Variants in FHIT observed in about 807,000 individuals in gnomAD.
The protein encoded by FHIT is bis(5'-adenosyl)-triphosphatase.
A neutral mutation model predicts 17.9 loss-of-function variants in FHIT; 19 were observed. That is an observed-to-expected ratio of 1.06 (90% CI 0.74 to 1.56). FHIT has a LOEUF of 1.56. Among genes scored for constraint, FHIT ranks in the 40% most tolerant of loss-of-function variants. FHIT has a pLI of 0.00. For synonymous variants in FHIT, 81 were observed against 69.7 expected (o/e 1.16, Z -0.81); for missense variants, 248 against 189.2 (o/e 1.31, Z -1.82).
chr3:61,100,565 G>C lies in FHIT; in HGVS notation c.-163-58466C>G, dbSNP rs549799130. Among the ~76,000 whole-genome samples the C allele has an allele frequency of 1.4e-3, 212 of 152,098 alleles. 1 individual carries two copies. The highest frequency in any genetic ancestry group is 2.3e-3 in the Admixed American group (35 of 15,268). On this transcript the variant is annotated intron_variant, in intron 2 of 9. Coordinates refer to ENST00000492590, the MANE Select transcript of FHIT (RefSeq NM_002012.4). ...TAGTAGCATGATTTATAATCCTTTG[G>C]GTATATACCCAGTAATGGGATTGCT...
intron 3 of FHIT, among the ~76,000 whole-genome samples, chr3:61,039,759 G>T (rs2033419673): frequency 6.6e-6 from 1 of 152,036 alleles, no homozygotes; most frequent in African/African-American, 2.4e-5. Flanking sequence ...GCAGATGACG[G>T]GTTGATGGGT....
intron 3 of FHIT, among the ~76,000 whole-genome samples, chr3:60,986,032 C>T (rs985018540): frequency 5.9e-5 from 9 of 152,326 alleles, no homozygotes; most frequent in East Asian, 5.8e-4. Flanking sequence ...CCCCTTATAA[C>T]GACCCTTGTG....
chr3:61,066,759 G>A (rs1224873060), intron 2 of FHIT, among the ~76,000 whole-genome samples: 8 of 152,196 alleles, frequency 5.3e-5, no homozygotes, highest in African/African-American at 1.2e-4. Context: ...TGAAAGCAAA[G>A]CCTAAGACAA....
At chr3:59,815,518 G>GGT (rs1313564912) in intron 8 of FHIT, among the ~76,000 whole-genome samples, 1 of 151,142 alleles carries the variant, frequency 6.6e-6, no homozygotes, top group Non-Finnish European at 1.5e-5. Flanking sequence ...AAGAAATTGT[G>GGT]GTATATATAT....
chr3:60,432,604 T>C (rs758716663), intron 5 of FHIT, among the ~76,000 whole-genome samples: 8 of 152,054 alleles, frequency 5.3e-5, no homozygotes, highest in Non-Finnish European at 8.8e-5. Context: ...ATGCAGGCAA[T>C]TTACAAATAA....
chr3:59,841,943 G>A (rs1701548662), intron 8 of FHIT, among the ~76,000 whole-genome samples: 1 of 152,084 alleles, frequency 6.6e-6, no homozygotes, highest in Non-Finnish European at 1.5e-5. Flanking sequence ...ATTTTTAGGT[G>A]TACAGTCCAG....
intron 3 of FHIT, among the ~76,000 whole-genome samples, chr3:60,981,639 T>G (rs1710500369): frequency 6.6e-6 from 1 of 152,046 alleles, no homozygotes; most frequent in Admixed American, 6.6e-5. Flanking sequence ...GACAGGGTCT[T>G]GCTCTGTTGC....
At chr3:60,971,046 A>G (rs1709980538) in intron 3 of FHIT, among the ~76,000 whole-genome samples, 1 of 152,158 alleles carries the variant, frequency 6.6e-6, no homozygotes. Flanking sequence ...ATATATAACT[A>G]TGATGTCATT....
intron 4 of FHIT, among the ~76,000 whole-genome samples, chr3:60,566,249 G>A (rs1204086476): frequency 1.3e-5 from 2 of 152,152 alleles, no homozygotes; most frequent in Admixed American, 1.3e-4. Flanking sequence ...TTGGGGTTGA[G>A]AGTTCTGTAG....
intron 5 of FHIT, among the ~76,000 whole-genome samples, chr3:60,366,159 G>C (rs983457895): frequency 1.3e-5 from 2 of 152,118 alleles, no homozygotes. Flanking sequence ...TTGGTAAAAG[G>C]AAAAAGGCGC....
intron 5 of FHIT, among the ~76,000 whole-genome samples, chr3:60,244,977 C>T (rs1409730000): frequency 6.6e-6 from 1 of 151,962 alleles, no homozygotes; most frequent in African/African-American, 2.4e-5. Context: ...TGTGCATTGA[C>T]TAAAGTAATA....
chr3:60,193,023 G>C (rs1473558762), intron 5 of FHIT, among the ~76,000 whole-genome samples: 3 of 152,152 alleles, frequency 2.0e-5, no homozygotes. Context: ...AAACTAAAGG[G>C]ATGACATTTT....
rs773333148 is a variant in FHIT at position 60,120,108 on chromosome 3, C to T, written c.104-105956G>A. ...GCTTGAACATCACACCTTCCACCAA[C>T]CTTTTCCAGTCCTCTCATTAAAATC... On this transcript the variant is annotated intron_variant, in intron 5 of 9. Coordinates refer to ENST00000492590, the MANE Select transcript of FHIT (RefSeq NM_002012.4). 3.9e-5 allele frequency among the ~76,000 whole-genome samples: 6 copies of T among 152,200 alleles called. 1 individual carries two copies. Among genetic ancestry groups the T allele is most frequent in the Non-Finnish European group, 5.9e-5 (4 of 68,032 alleles).
chr3:60,511,841 A>G (rs973482532), intron 5 of FHIT, among the ~76,000 whole-genome samples: 1 of 152,194 alleles, frequency 6.6e-6, no homozygotes, highest in African/African-American at 2.4e-5. Flanking sequence ...TCAAAAGGGC[A>G]GAGACATCTG....
At chr3:60,932,597 T>C (rs1168394843) in intron 3 of FHIT, among the ~76,000 whole-genome samples, 1 of 152,224 alleles carries the variant, frequency 6.6e-6, no homozygotes, top group Non-Finnish European at 1.5e-5. Context: ...CTATAATTTC[T>C]GTCAGTGGCC....
At chr3:60,464,789 C>G (rs2032692139) in intron 5 of FHIT, among the ~76,000 whole-genome samples, 1 of 152,142 alleles carries the variant, frequency 6.6e-6, no homozygotes, top group South Asian at 2.1e-4. Flanking sequence ...GCTTCCAAAT[C>G]TTGGCTAGTG....
chr3:60,971,295 G>A lies in FHIT; in HGVS notation c.-111+70752C>T, dbSNP rs542236527. Among the ~76,000 whole-genome samples, 76 of 152,222 alleles carry A rather than the reference G, an allele frequency of 5.0e-4. No individual in the cohort carries two copies. In the South Asian group the frequency reaches 0.011, roughly 22 times the overall value. ...TGAGGCAGGAGAATCACTTGAACCC[G>A]GGAGGTTTCAGTGAGCAGCCTGGGT... On this transcript the variant is annotated intron_variant, in intron 3 of 9. Transcript: ENST00000492590.
intron 5 of FHIT, among the ~76,000 whole-genome samples, chr3:60,213,728 G>A (rs559461595): frequency 6.6e-6 from 1 of 152,222 alleles, no homozygotes; most frequent in African/African-American, 2.4e-5. Context: ...GACATCATCA[G>A]TGAATTATTT....
intron 4 of FHIT, among the ~76,000 whole-genome samples, chr3:60,619,271 A>C (rs2039044907): frequency 6.6e-6 from 1 of 152,218 alleles, no homozygotes; most frequent in African/African-American, 2.4e-5. Context: ...TAAAAAACTA[A>C]ATGTGAATAA....
Sources: allele counts gnomAD v4.1 joint callset (sites outside exome capture counted in the v4.1 genomes callset), GRCh38; gene constraint gnomAD v4.1.1; transcripts MANE v1.5; gene names NCBI Gene and HGNC (gene_info 2026-07-23, HGNC 2026-07-21).